PLCG2: variants seen among roughly 807,000 people sequenced by gnomAD.
The protein encoded by PLCG2 is phospholipase C gamma 2.
In PLCG2, 69 loss-of-function variants were observed where a neutral mutation model predicts 175.6. That is an observed-to-expected ratio of 0.39 (90% CI 0.32 to 0.48). The LOEUF is 0.48. Among genes scored for constraint, PLCG2 ranks in the 20% least tolerant of loss-of-function variants. The pLI is 0.91. For synonymous variants in PLCG2, 827 were observed against 624.0 expected (o/e 1.33, Z -4.85); for missense variants, 1,798 against 1,650.9 (o/e 1.09, Z -1.54).
intron 2 of PLCG2, among the ~76,000 whole-genome samples, chr16:81,812,363 T>A (rs1904357657): frequency 6.6e-6 from 1 of 152,202 alleles, no homozygotes; most frequent in Non-Finnish European, 1.5e-5. Context: ...GTTTACTGAC[T>A]TTTTAATGAT....
chr16:81,846,762 GT>G (rs149315118), intron 2 of PLCG2, among the ~76,000 whole-genome samples: 1 of 152,094 alleles, frequency 6.6e-6, no homozygotes, highest in African/African-American at 2.4e-5. Flanking sequence ...ACAAGAAAAG[GT>G]TTTTTTCAAT....
At chr16:81,744,969 G>T (rs541427880) in intron 1 of PLCG2, among the ~76,000 whole-genome samples, 1 of 152,270 alleles carries the variant, frequency 6.6e-6, no homozygotes, top group African/African-American at 2.4e-5. Flanking sequence ...GGTTTTTCTG[G>T]ATTCAAAGTG....
At chr16:81,764,206 T>G (rs147408349) in intron 2 of PLCG2, among the ~76,000 whole-genome samples, 2,755 of 152,122 alleles carry the variant, frequency 0.018, 37 homozygotes, top group Middle Eastern at 0.034. Context: ...AGTGGGAGGA[T>G]TGCTGGAGCC....
At chr16:81,910,455 G>C (rs1909569670) in intron 17 of PLCG2, 65 bp from the exon 18 acceptor site, 1 of 1,439,186 alleles carries the variant, frequency 6.9e-7, no homozygotes, top group Non-Finnish European at 9.7e-7. Flanking sequence ...CCGCCTCTGA[G>C]GCCCTGGCTG....
intron 18 of PLCG2, among the ~76,000 whole-genome samples, chr16:81,912,260 C>G (rs1204287028): frequency 6.6e-6 from 1 of 151,648 alleles, no homozygotes; most frequent in East Asian, 2.0e-4. Flanking sequence ...AGATGGGGGT[C>G]TCATTGTGTT....
intron 31 of PLCG2, among the ~76,000 whole-genome samples, chr16:81,951,871 G>T (rs1911379743): frequency 1.3e-5 from 2 of 152,176 alleles, no homozygotes; most frequent in African/African-American, 4.8e-5. Context: ...TAGAAAAAAG[G>T]TCGAGTGATC....
In PLCG2 at chr16:81,824,003, T is replaced by TC. The variant is rs1244119300; in HGVS notation, c.194-30441_194-30440insC. Among the ~76,000 whole-genome samples the TC allele has an allele frequency of 3.6e-3, 441 of 123,872 alleles. 4 individuals carry two copies. Among genetic ancestry groups the TC allele is most frequent in the African/African-American group, 0.013 (421 of 32,036 alleles). 81.3% of individuals were successfully genotyped at this position (123,872 alleles called of 152,430 possible). A position where few individuals can be genotyped will look rare whatever the true frequency, so the allele number is the denominator to read the frequency against. ...TTCCTTCTTTTTCTGTTTCTTTTTCTTTTTCCTTTCCTTTCCTTTCCTTTC... is the reference window on the plus strand; with the variant it reads ...TTCCTTCTTTTTCTGTTTCTTTTTCTCTTTTCCTTTCCTTTCCTTTCCTTTC... On this transcript the variant is annotated intron_variant, in intron 2 of 32. Transcript: ENST00000564138.
At chr16:81,749,273 T>TA (rs530455520) in intron 1 of PLCG2, among the ~76,000 whole-genome samples, 268 of 152,326 alleles carry the variant, frequency 1.8e-3, no homozygotes, top group Non-Finnish European at 1.9e-3. Flanking sequence ...ATGTAGATTT[T>TA]AAAAAATCAC....
intron 7 of PLCG2, among the ~76,000 whole-genome samples, chr16:81,880,218 G>T (rs116482675): frequency 1.3e-5 from 2 of 152,186 alleles, no homozygotes; most frequent in Admixed American, 1.3e-4. Context: ...TCCAGCCTGG[G>T]TAACAGTGAG....
intron 2 of PLCG2, among the ~76,000 whole-genome samples, chr16:81,820,484 C>G (rs1904745958): frequency 6.6e-6 from 1 of 152,252 alleles, no homozygotes; most frequent in Non-Finnish European, 1.5e-5. Context: ...CATGTTGTTG[C>G]TAGTGTCAGT....
In PLCG2 at chr16:81,937,812, A is replaced by T. The variant is rs1018557252; in HGVS notation, c.3107A>T (p.Tyr1036Phe). The change falls in exon 28 of 33, where the codon TAC becomes TTC. Residue 1036 changes from tyrosine to phenylalanine, a missense_variant. By Grantham distance (22) the Tyr-to-Phe change is conservative. Transcript: ENST00000564138. Reference sequence around the variant, plus strand: ...TTTTCTCTCAATGGGCGCACGGGCTACGTTCTGCAGCCTGAGAGCATGAGG... The same window carrying T: ...TTTTCTCTCAATGGGCGCACGGGCTTCGTTCTGCAGCCTGAGAGCATGAGG... ...ALFSLNGRTGYVLQPESMRTE... is the reference protein window; with the variant it reads ...ALFSLNGRTGFVLQPESMRTE... The T allele has an allele frequency of 2.5e-6, 4 of 1,613,854 alleles. No individual in the cohort carries two copies. Among genetic ancestry groups the T allele is most frequent in the Non-Finnish European group, 3.4e-6 (4 of 1,179,718 alleles).
At chr16:81,851,238 C>A (rs530338177) in intron 2 of PLCG2, among the ~76,000 whole-genome samples, 5 of 152,326 alleles carry the variant, frequency 3.3e-5, no homozygotes, top group Non-Finnish European at 7.3e-5. Context: ...TTTCTGTGAA[C>A]CATTCATTTA....
intron 18 of PLCG2, among the ~76,000 whole-genome samples, chr16:81,911,788 T>C (rs1909635038): frequency 7.7e-6 from 1 of 130,626 alleles, no homozygotes; most frequent in African/African-American, 3.0e-5. Flanking sequence ...TTTTTGTATT[T>C]CCTTTTTTTT....
upstream of PLCG2, among the ~76,000 whole-genome samples, chr16:81,779,045 C>T (rs1910597178): frequency 6.6e-6 from 1 of 152,214 alleles, no homozygotes; most frequent in African/African-American, 2.4e-5. Context: ...CCCTTTGCAC[C>T]TGGCCAAGTG....
intron 19 of PLCG2, among the ~76,000 whole-genome samples, chr16:81,916,275 T>G (rs1360667772): frequency 6.9e-6 from 1 of 144,748 alleles, no homozygotes; most frequent in Non-Finnish European, 1.5e-5. Context: ...TTCAAAAGAC[T>G]GGAAATCCTT....
intron 2 of PLCG2, chr16:81,852,218 G>A (rs11645637): frequency 0.58 from 88,706 of 152,020 alleles, 26,640 homozygotes; most frequent in Middle Eastern, 0.68. Context: ...GGGAGCAGCC[G>A]TGGAGGGGAG....
rs374746148 is a variant in PLCG2, at chr16:81,946,244, G to A, written c.3551G>A (p.Cys1184Tyr). The A allele has an allele frequency of 3.1e-6, 5 of 1,613,594 alleles. No homozygotes were observed. In the African/African-American group the frequency reaches 6.7e-5, roughly 22 times the overall value. ...DIELASLLVF[C>Y]EMRPVLESEE... ...GAGCTGGCTTCCCTCCTGGTTTTCTGTGAGATGCGGCCAGTCCTGGTGAGT... is the reference window on the plus strand; with the variant it reads ...GAGCTGGCTTCCCTCCTGGTTTTCTATGAGATGCGGCCAGTCCTGGTGAGT... Residue 1184 changes from cysteine (C) to tyrosine (Y), a missense_variant, in exon 31 of 33, where the codon TGT becomes TAT. Coordinates refer to ENST00000564138, the MANE Select transcript of PLCG2 (RefSeq NM_002661.5).
chr16:81,953,454 G>C (rs1189510640), intron 31 of PLCG2, among the ~76,000 whole-genome samples: 7 of 151,974 alleles, frequency 4.6e-5, no homozygotes, highest in Admixed American at 3.9e-4. Context: ...CAATTTAAAA[G>C]GTATTGGTGG....
At chr16:81,776,996 C>T (rs1055187898), upstream of PLCG2, among the ~76,000 whole-genome samples, 2 of 151,920 alleles carry the variant, frequency 1.3e-5, no homozygotes, top group African/African-American at 4.8e-5. Flanking sequence ...AAAAAATGAG[C>T]CAAAGAAGAA....
Sources: gnomAD v4.1 joint callset for allele counts (sites outside exome capture counted in the v4.1 genomes callset) on GRCh38, gnomAD v4.1.1 for gene constraint, MANE v1.5 for transcripts, NCBI Gene and HGNC (gene_info 2026-07-23, HGNC 2026-07-21) for gene names.